IQSEC1: variants seen among roughly 807,000 people sequenced by gnomAD.
The protein encoded by IQSEC1 is IQ motif and Sec7 domain ArfGEF 1, also known as IQ motif and SEC7 domain-containing protein 1.
IQSEC1 carries 31 observed loss-of-function variants against 91.0 expected under a neutral mutation model. That is an observed-to-expected ratio of 0.34 (90% CI 0.26 to 0.46). The LOEUF is 0.46. IQSEC1 is among the 20% of genes least tolerant of loss of function. The probability of loss-of-function intolerance (pLI) is 1.00; values close to 1 mark genes in which losing one functional copy is unlikely to be tolerated. For missense variants in IQSEC1, 1,388 were observed against 1,575.6 expected (o/e 0.88, Z 2.02); for synonymous variants, 699 against 662.6 (o/e 1.05, Z -0.84).
At chr3:13,277,119 A>C (rs985283262) in intron 1 of IQSEC1, among the ~76,000 whole-genome samples, 1 of 148,526 alleles carries the variant, frequency 6.7e-6, no homozygotes, top group Non-Finnish European at 1.5e-5. Flanking sequence ...AAAAAAAAAA[A>C]AAAAAAAAAA....
upstream of IQSEC1, among the ~76,000 whole-genome samples, chr3:13,077,457 A>T (rs1705580922): frequency 6.6e-6 from 1 of 152,232 alleles, no homozygotes; most frequent in African/African-American, 2.4e-5. Flanking sequence ...AACTTTACAT[A>T]AGTAGGATCA....
intron 2 of IQSEC1, among the ~76,000 whole-genome samples, chr3:13,129,295 C>A (rs1426178052): frequency 2.0e-5 from 3 of 152,146 alleles, no homozygotes; most frequent in Non-Finnish European, 4.4e-5. Context: ...CATTATTATG[C>A]TTCAGTTACC....
chr3:13,252,877 C>T (rs1443348177), intron 1 of IQSEC1, among the ~76,000 whole-genome samples: 1 of 152,174 alleles, frequency 6.6e-6, no homozygotes, highest in Non-Finnish European at 1.5e-5. Context: ...GGACCACAGG[C>T]ACCCGCCACC....
chr3:12,965,702 T>C (rs984210154), intron 1 of IQSEC1, among the ~76,000 whole-genome samples: 5 of 152,130 alleles, frequency 3.3e-5, no homozygotes, highest in African/African-American at 9.7e-5. Context: ...GGACTTCTAA[T>C]GAGAAGGGAT....
At chr3:13,021,644 C>A (rs376572360) in intron 1 of IQSEC1, among the ~76,000 whole-genome samples, 1 of 152,170 alleles carries the variant, frequency 6.6e-6, no homozygotes, top group East Asian at 1.9e-4. Flanking sequence ...TACGGTCACA[C>A]GAAGGAATCA....
At chr3:13,071,153 G>GTTTTTTT (rs796412810) in intron 1 of IQSEC1, among the ~76,000 whole-genome samples, 28 of 90,954 alleles carry the variant, frequency 3.1e-4, no homozygotes, top group East Asian at 8.4e-4. Context: ...GTTTTTTTTT[G>GTTTTTTT]TTTTTTTTTT....
intron 1 of IQSEC1, among the ~76,000 whole-genome samples, chr3:13,199,364 C>T (rs889008237): frequency 7.9e-5 from 12 of 152,192 alleles, no homozygotes; most frequent in African/African-American, 2.4e-4. Context: ...TGGGCGTGGG[C>T]CAAACCTCCA....
chr3:13,178,014 T>A (rs957486568), intron 1 of IQSEC1, among the ~76,000 whole-genome samples: 1 of 152,250 alleles, frequency 6.6e-6, no homozygotes, highest in Non-Finnish European at 1.5e-5. Context: ...TCAGCCACAC[T>A]GGCAACAGCC....
intron 1 of IQSEC1, among the ~76,000 whole-genome samples, chr3:13,243,060 C>T (rs1244846408): frequency 6.6e-6 from 1 of 152,160 alleles, no homozygotes; most frequent in African/African-American, 2.4e-5. Context: ...TCAGAATTGT[C>T]CTGAACACAA....
At chr3:13,249,444 T>C (rs1695158909) in intron 1 of IQSEC1, among the ~76,000 whole-genome samples, 1 of 152,090 alleles carries the variant, frequency 6.6e-6, no homozygotes, top group South Asian at 2.1e-4. Flanking sequence ...AGTGCTGAGA[T>C]TACAAGCGTG....
chr3:13,122,417 G>A lies in IQSEC1; in HGVS notation c.302+41687C>T, dbSNP rs188725097. On this transcript the variant is annotated intron_variant, in intron 2 of 15. Coordinates refer to the IQSEC1 transcript ENST00000648114. ...CACGGGAAGGTGCTGAGCACAAGAG[G>A]GGCATGGACGCAGTTGGGTTTTATT... 7.9e-5 allele frequency among the ~76,000 whole-genome samples: 12 copies of A among 152,320 alleles called. No homozygotes were observed. In the East Asian group the frequency reaches 2.3e-3, roughly 29 times the overall value.
At chr3:13,038,715 G>A (rs943956211) in intron 1 of IQSEC1, among the ~76,000 whole-genome samples, 11 of 152,048 alleles carry the variant, frequency 7.2e-5, no homozygotes, top group African/African-American at 2.7e-4. Flanking sequence ...CCTCAATGTC[G>A]GGGGAAAGAA....
intron 1 of IQSEC1, among the ~76,000 whole-genome samples, chr3:13,271,410 A>G (rs1219083299): frequency 6.6e-6 from 1 of 152,176 alleles, no homozygotes. Flanking sequence ...AGACACAACA[A>G]TAATAACCTT....
Position 12,902,833 on chromosome 3 carries a change from C to CAT in IQSEC1, c.2756-13_2756-12dup, listed in dbSNP as rs781226027. 66 of 1,608,940 alleles carry CAT rather than the reference C, an allele frequency of 4.1e-5. No individual in the cohort carries two copies. Among genetic ancestry groups the CAT allele is most frequent in the Non-Finnish European group, 5.3e-5 (62 of 1,175,450 alleles). The stretch of plus-strand genomic sequence containing the variant: ...GACGCCCTCGCTTCCCTGCCCAGAA[C>CAT]ATGCAATACCAGAAGTTAGACGCGG... On this transcript the variant is annotated splice_polypyrimidine_tract_variant and intron_variant, in intron 12 of 13. Transcript: ENST00000613206.
At chr3:12,969,677 C>T (rs920016371) in intron 1 of IQSEC1, among the ~76,000 whole-genome samples, 9 of 152,198 alleles carry the variant, frequency 5.9e-5, no homozygotes, top group African/African-American at 2.2e-4. Context: ...ACTCTGGGCA[C>T]GGTCTTTGAC....
intron 1 of IQSEC1, among the ~76,000 whole-genome samples, chr3:13,246,438 C>T (rs967235516): frequency 2.0e-5 from 3 of 152,044 alleles, no homozygotes; most frequent in Admixed American, 1.3e-4. Context: ...ACGGTGGGGA[C>T]GGTGGCACAT....
At chr3:13,208,824 G>A (rs948768074) in intron 1 of IQSEC1, among the ~76,000 whole-genome samples, 3 of 152,214 alleles carry the variant, frequency 2.0e-5, no homozygotes, top group Non-Finnish European at 2.9e-5. Context: ...GGATGAGCTC[G>A]CAGCATGCAC....
chr3:13,268,919 G>T (rs1695546052), intron 1 of IQSEC1, among the ~76,000 whole-genome samples: 1 of 152,184 alleles, frequency 6.6e-6, no homozygotes, highest in Non-Finnish European at 1.5e-5. Context: ...AGAGGGACCA[G>T]GGCTACAGGA....
chr3:12,936,284 G>A lies in IQSEC1; in HGVS notation c.732C>T (p.Leu244=), dbSNP rs772825709. 2 of 1,613,210 alleles carry A rather than the reference G, an allele frequency of 1.2e-6. No homozygotes were observed. Among genetic ancestry groups the A allele is most frequent in the African/African-American group, 2.7e-5 (2 of 74,936 alleles). Residue 244 remains leucine, a synonymous_variant, in exon 3 of 14, where the codon CTC becomes CTT. Coordinates refer to ENST00000613206, the MANE Select transcript of IQSEC1 (RefSeq NM_001134382.3). The part of the protein sequence containing the change: ...KSLAESIDDA[L]NCRSLHTEEA... Reference sequence around the variant, plus strand: ...CCTCAGTGTGCAGGCTGCGGCAGTTGAGGGCATCGTCGATGGACTCGGCCA... The same window carrying A: ...CCTCAGTGTGCAGGCTGCGGCAGTTAAGGGCATCGTCGATGGACTCGGCCA...
Sources: allele counts gnomAD v4.1 joint callset (sites outside exome capture counted in the v4.1 genomes callset), GRCh38; gene constraint gnomAD v4.1.1; transcripts MANE v1.5; gene names NCBI Gene and HGNC (gene_info 2026-07-23, HGNC 2026-07-21).